SLC41A3: variants seen among roughly 807,000 people sequenced by gnomAD.
SLC41A3 encodes solute carrier family 41 member 3.
SLC41A3 carries 44 observed loss-of-function variants against 45.4 expected under a neutral mutation model. The observed-to-expected ratio is 0.97, with a 90% confidence interval of 0.76 to 1.25. The LOEUF is 1.25. Among genes scored for constraint, SLC41A3 ranks in the 50% most tolerant of loss-of-function variants. SLC41A3 has a pLI of 0.00. For missense variants in SLC41A3, 550 were observed against 600.6 expected, an observed-to-expected ratio of 0.92 and a Z score of 0.88; for synonymous variants, 256 against 252.4, an observed-to-expected ratio of 1.01 and a Z score of -0.13.
chr3:126,028,353 G>A (rs1941533299), intron 4 of SLC41A3, among the ~76,000 whole-genome samples: 1 of 152,236 alleles, frequency 6.6e-6, no homozygotes, highest in Non-Finnish European at 1.5e-5. Context: ...TCCAGTCATG[G>A]CTCAAAAGGG....
chr3:126,014,373 C>T (rs753772899), intron 8 of SLC41A3, among the ~76,000 whole-genome samples: 2 of 152,194 alleles, frequency 1.3e-5, no homozygotes, highest in Non-Finnish European at 2.9e-5. Flanking sequence ...TCTGGACCTA[C>T]ACTCTCCCGA....
At chr3:126,067,841 G>A in intron 2 of SLC41A3, 106 bp downstream of exon 2, 1 of 1,420,002 alleles carries the variant, frequency 7.0e-7, no homozygotes, top group Non-Finnish European at 9.4e-7. Context: ...GGCTTTTCAA[G>A]AGGACTGCCC....
intron 2 of SLC41A3, among the ~76,000 whole-genome samples, chr3:126,065,192 C>A (rs1944285583): frequency 6.6e-6 from 1 of 152,206 alleles, no homozygotes. Flanking sequence ...GAGAATGCAT[C>A]CTGGCCAGCA....
upstream of SLC41A3, among the ~76,000 whole-genome samples, chr3:126,088,102 A>G (rs1184995187): frequency 6.6e-6 from 1 of 152,126 alleles, no homozygotes; most frequent in African/African-American, 2.4e-5. Context: ...ACTTAATAAT[A>G]GTTATAGGAT....
At chr3:126,042,073 C>T (rs1942630857) in intron 3 of SLC41A3, among the ~76,000 whole-genome samples, 1 of 152,148 alleles carries the variant, frequency 6.6e-6, no homozygotes, top group Admixed American at 6.6e-5. Flanking sequence ...CTGAGGGCTG[C>T]CCAAGTAACT....
At chr3:126,052,986 T>C (rs890264646) in intron 2 of SLC41A3, among the ~76,000 whole-genome samples, 1 of 152,144 alleles carries the variant, frequency 6.6e-6, no homozygotes. Flanking sequence ...TCCTGATGCA[T>C]AGTGGTCCCA....
upstream of SLC41A3, among the ~76,000 whole-genome samples, chr3:126,088,003 G>A (rs1395806035): frequency 6.6e-6 from 1 of 151,978 alleles, no homozygotes; most frequent in Non-Finnish European, 1.5e-5. Context: ...TTGACATTCT[G>A]CAGATTGATA....
chr3:126,053,007 C>T (rs78350497), intron 2 of SLC41A3, among the ~76,000 whole-genome samples: 10,188 of 152,268 alleles, frequency 0.067, 438 homozygotes, highest in Non-Finnish European at 0.073. Flanking sequence ...TCCTCCTTGC[C>T]AGACGTTGCT....
In SLC41A3 at chr3:126,095,263, A is replaced by G. The variant is rs1553749379; in HGVS notation, c.-79+6166T>C. ...TCATGAGCCAGATGCCAAGGAAGAG[A>G]TTCCAGGAGGATCCCAAGGACCCCC... On this transcript the variant is annotated intron_variant, in intron 1 of 9. Transcript: ENST00000508835. The G allele has an allele frequency of 1.2e-5, 8 of 684,484 alleles. No homozygotes were observed. The South Asian group carries it at 1.2e-4, about 11-fold the overall frequency. 42.4% of individuals were successfully genotyped at this position (684,484 alleles called of 1,614,324 possible).
chr3:126,033,621 G>GGTTGCTGCTGATGACTCTGT lies in SLC41A3; in HGVS notation c.419_438dup (p.Leu147ThrfsTer63). 1 of 1,612,774 alleles carries GGTTGCTGCTGATGACTCTGT rather than the reference G, an allele frequency of 6.2e-7. No individual in the cohort carries two copies. The highest frequency in any genetic ancestry group is 8.5e-7 in the Non-Finnish European group (1 of 1,179,838). On this transcript the variant is annotated frameshift_variant, in exon 4 of 11. Coordinates refer to ENST00000360370, the MANE Select transcript of SLC41A3 (RefSeq NM_017836.4). LOFTEE classifies it high-confidence loss of function. Reference sequence around the variant, plus strand: ...TGAAGACTCACCTGGATGAGGGCCAGGTTGCTGCTGATGACTCTGTGCTGC... The same window carrying GGTTGCTGCTGATGACTCTGT: ...TGAAGACTCACCTGGATGAGGGCCAGGTTGCTGCTGATGACTCTGTGTTGCTGCTGATGACTCTGTGCTGC...
chr3:126,026,407 C>T lies in SLC41A3; in HGVS notation c.526G>A (p.Val176Met). The T allele has an allele frequency of 6.3e-7, 1 of 1,594,426 alleles. No homozygotes were observed. Among genetic ancestry groups the T allele is most frequent in the Middle Eastern group, 1.7e-4 (1 of 6,038 alleles). ...AGCAACTCCACCTTGGCGACATCCA[C>T]TTCCTCTCGAGACACCACGCCCAAC... is the stretch of plus-strand genomic sequence containing the variant. ...LLLGVVSREE[V>M]DVAKVELLCA... The change falls in exon 5 of 11, where the codon GTG becomes ATG. Residue 176 changes from valine (V) to methionine (M), a missense_variant. By Grantham distance (21) the Val-to-Met change is conservative. Coordinates refer to ENST00000360370, the MANE Select transcript of SLC41A3 (RefSeq NM_017836.4). The surrounding 1 kb of genome is among the most constrained non-coding windows in gnomAD (Gnocchi z 4.2).
intron 3 of SLC41A3, among the ~76,000 whole-genome samples, chr3:126,048,015 C>T (rs1186448310): frequency 1.3e-5 from 2 of 152,114 alleles, no homozygotes; most frequent in Non-Finnish European, 2.9e-5. Flanking sequence ...ATATAAGGAA[C>T]TACGACTCAA....
upstream of SLC41A3, among the ~76,000 whole-genome samples, chr3:126,086,243 T>C (rs1945385597): frequency 1.3e-5 from 2 of 152,242 alleles, no homozygotes; most frequent in Admixed American, 6.5e-5. Context: ...CTTGTGCACA[T>C]TTACATTAAG....
chr3:126,081,434 T>C (rs188370012), intron 1 of SLC41A3, among the ~76,000 whole-genome samples: 7 of 152,356 alleles, frequency 4.6e-5, no homozygotes, highest in African/African-American at 1.7e-4. Flanking sequence ...TCGTGTTTGA[T>C]GAATCAATAC....
intron 7 of SLC41A3, 36 bp downstream of exon 7, chr3:126,016,695 G>A: frequency 6.3e-7 from 1 of 1,585,280 alleles, no homozygotes. Flanking sequence ...ATGGCTGAGA[G>A]GAGGAAGAGG....
At chr3:126,067,524 G>A (rs902692376) in intron 2 of SLC41A3, 16 of 412,432 alleles carry the variant, frequency 3.9e-5, no homozygotes, top group Non-Finnish European at 7.2e-5. Context: ...TGCAAGCCAA[G>A]GAGAGGCCAC....
intron 1 of SLC41A3, among the ~76,000 whole-genome samples, chr3:126,092,331 C>A (rs935531437): frequency 6.6e-6 from 1 of 152,272 alleles, no homozygotes; most frequent in Non-Finnish European, 1.5e-5. Context: ...GGGCATGTTC[C>A]TGCTGCAGAT....
At chr3:126,038,527 T>C (rs1439664122) in intron 3 of SLC41A3, among the ~76,000 whole-genome samples, 1 of 152,246 alleles carries the variant, frequency 6.6e-6, no homozygotes, top group Non-Finnish European at 1.5e-5. Flanking sequence ...GCCTGTCTGC[T>C]GGGCTTCAGA....
At chr3:126,081,050 A>C (rs1349940032) in intron 1 of SLC41A3, among the ~76,000 whole-genome samples, 1 of 152,198 alleles carries the variant, frequency 6.6e-6, no homozygotes, top group Non-Finnish European at 1.5e-5. Flanking sequence ...TATTGAAGAG[A>C]TATCTGTACC....
Sources: gnomAD v4.1 joint callset for allele counts (sites outside exome capture counted in the v4.1 genomes callset) on GRCh38, gnomAD v4.1.1 for gene constraint, Gnocchi (gnomAD v3.1) non-coding constraint, MANE v1.5 for transcripts, NCBI Gene and HGNC (gene_info 2026-07-23, HGNC 2026-07-21) for gene names.